The following CNPY3 variants were observed in gnomAD, a reference collection of about 807,000 sequenced individuals.
CNPY3 encodes canopy FGF signaling regulator 3.
CNPY3 carries 20 observed loss-of-function variants against 32.0 expected under a neutral mutation model. The observed-to-expected ratio is 0.63, with a 90% confidence interval of 0.44 to 0.91. The LOEUF (loss-of-function observed/expected upper bound fraction) is 0.91. Among genes scored for constraint, CNPY3 ranks in the 40% least tolerant of loss-of-function variants. The pLI is 0.00. For missense variants in CNPY3, 299 were observed against 340.8 expected (o/e 0.88, Z 0.97); for synonymous variants, 138 against 142.9 (o/e 0.97, Z 0.24).
At chr6:42,929,467 C>A (rs773458922), upstream of CNPY3, 7 of 1,243,710 alleles carry the variant, frequency 5.6e-6, no homozygotes, top group East Asian at 1.0e-4. Flanking sequence ...CGTGGTTGCT[C>A]GGAGGCACGT....
At chr6:42,938,452 G>A in intron 5 of CNPY3, 116 bp from the exon 6 acceptor site, 1 of 1,028,718 alleles carries the variant, frequency 9.7e-7, no homozygotes, top group Non-Finnish European at 1.4e-6. Flanking sequence ...AGGCAGGGAG[G>A]CTGATGTCAA....
In CNPY3 at chr6:42,933,896, C is replaced by T. The variant is rs762493574; in HGVS notation, c.152-579C>T. On this transcript the variant is annotated intron_variant, in intron 1 of 5. Coordinates refer to ENST00000372836, the MANE Select transcript of CNPY3 (RefSeq NM_006586.5). Reference sequence around the variant, plus strand: ...TAGAAAGTAAAATGATAGACCCTGGCGTGGTGGCTCACGCCTGTAATCCCA... The same window carrying T: ...TAGAAAGTAAAATGATAGACCCTGGTGTGGTGGCTCACGCCTGTAATCCCA... Among the ~76,000 whole-genome samples, 21 of 152,238 alleles carry T rather than the reference C, an allele frequency of 1.4e-4. 1 individual carries two copies. The highest frequency in any genetic ancestry group is 6.8e-3 in the Middle Eastern group (2 of 294).
In CNPY3 at chr6:42,937,764, G is replaced by A. The variant is rs939433999; in HGVS notation, c.420G>A (p.Gly140=). The A allele has an allele frequency of 2.5e-6, 4 of 1,614,124 alleles. No homozygotes were observed. Among genetic ancestry groups the A allele is most frequent in the Non-Finnish European group, 2.5e-6 (3 of 1,179,990 alleles). ...FETLHNLVHK[G]VKVVMDIPYE... ...CATTACACAACCTGGTACACAAAGG[G>A]GTCAAGGTGGTGATGGACATCCCCT... Residue 140 remains glycine, a synonymous_variant, in exon 4 of 6, where the codon GGG becomes GGA. Transcript: ENST00000372836.
upstream of CNPY3, among the ~76,000 whole-genome samples, chr6:42,928,068 A>G: frequency 6.6e-6 from 1 of 151,844 alleles, no homozygotes; most frequent in East Asian, 1.9e-4. Flanking sequence ...GCTCACTGCA[A>G]CCTCCATCTC....
chr6:42,929,603 T>C lies in CNPY3; in HGVS notation c.33T>C (p.Cys11=). 1 of 1,569,686 alleles carries C rather than the reference T, an allele frequency of 6.4e-7. No homozygotes were observed. The highest frequency in any genetic ancestry group is 8.6e-7 in the Non-Finnish European group (1 of 1,158,174). ...CAATGCCTGAGCCCGCGTCCCGCTG[T>C]CTTCTGCTTCTTCCCTTGCTGCTGC... is the stretch of plus-strand genomic sequence containing the variant. MDSMPEPASR[C]LLLLPLLLLL... is the part of the protein sequence containing the mutation. Residue 11 remains cysteine (C), a synonymous_variant, in exon 1 of 6, where the codon TGT becomes TGC. Coordinates refer to ENST00000372836, the MANE Select transcript of CNPY3 (RefSeq NM_006586.5).
chr6:42,938,038 G>C, intron 4 of CNPY3, 52 bp from the exon 5 acceptor site: 2 of 1,549,556 alleles, frequency 1.3e-6, no homozygotes, highest in Non-Finnish European at 1.8e-6. Context: ...AGCTCCTCTA[G>C]GAGCGAGTCA....
upstream of CNPY3, among the ~76,000 whole-genome samples, chr6:42,928,406 A>C (rs1767523414): frequency 6.6e-6 from 1 of 151,994 alleles, no homozygotes; most frequent in Non-Finnish European, 1.5e-5. Flanking sequence ...GGCCTCCCAA[A>C]GTGCTGGGAT....
chr6:42,935,168 A>G (rs576722942), intron 2 of CNPY3, among the ~76,000 whole-genome samples: 1 of 152,244 alleles, frequency 6.6e-6, no homozygotes, highest in African/African-American at 2.4e-5. Flanking sequence ...ACACCCGGCC[A>G]CAGTGCAATT....
In CNPY3 at chr6:42,929,738, C is replaced by T. The variant is rs769637995; in HGVS notation, c.151+17C>T. 6.5e-6 allele frequency: 10 copies of T among 1,539,314 alleles called. No homozygotes were observed. The highest frequency in any genetic ancestry group is 2.1e-4 in the Middle Eastern group (1 of 4,802). On this transcript the variant is annotated intron_variant, in intron 1 of 5. Transcript: ENST00000372836. Reference sequence around the variant, plus strand: ...AATGCGAAGGTGAGGAGGCGGGGCCCGTGGGGCGTATCCTGCCGGAGGGGC... The same window carrying T: ...AATGCGAAGGTGAGGAGGCGGGGCCTGTGGGGCGTATCCTGCCGGAGGGGC...
intron 3 of CNPY3, among the ~76,000 whole-genome samples, chr6:42,937,095 C>T (rs760021100): frequency 2.0e-5 from 3 of 152,008 alleles, no homozygotes; most frequent in African/African-American, 4.8e-5. Context: ...CCAGGAAGAA[C>T]GGAACAGCAG....
At position 42,938,753 on chromosome 6, in the gene CNPY3, G is replaced by T. The variant is rs769480238; in HGVS notation, c.799G>T (p.Ala267Ser). The T allele has an allele frequency of 1.2e-6, 2 of 1,613,536 alleles. No homozygotes were observed. The highest frequency in any genetic ancestry group is 2.2e-5 in the South Asian group (2 of 90,996). Reference protein sequence around the residue: ...SPEEDEGIQKASPLTHSPPDE... With the variant: ...SPEEDEGIQKSSPLTHSPPDE... ...CGAGGAGGATGAGGGCATCCAGAAG[G>T]CATCCCCTCTCACACACAGCCCCCC... The change falls in exon 6 of 6, where the codon GCA becomes TCA. Residue 267 changes from alanine (A) to serine (S), a missense_variant. Physicochemically the swap from Ala to Ser is moderately conservative, Grantham distance 99. This residue lies in a region of CNPY3 where 211 missense variants were observed against 278.3 expected (regional missense o/e 0.76). Transcript: ENST00000372836.
intron 1 of CNPY3, 123 bp from the exon 2 acceptor site, chr6:42,934,352 C>T: frequency 1.7e-6 from 2 of 1,192,674 alleles, no homozygotes; most frequent in South Asian, 1.3e-5. Context: ...CCTTCCCTGC[C>T]TTGAGTGCTG....
chr6:42,930,306 C>G (rs1056266792), intron 1 of CNPY3, among the ~76,000 whole-genome samples: 4 of 152,112 alleles, frequency 2.6e-5, no homozygotes, highest in Non-Finnish European at 4.4e-5. Context: ...AACAACTCCT[C>G]GAAGGCAGGA....
At chr6:42,934,681 C>A in intron 2 of CNPY3, 83 bp downstream of exon 2, 2 of 1,581,290 alleles carry the variant, frequency 1.3e-6, no homozygotes. Context: ...CCTAGCTAGG[C>A]AAACCCCCTA....
chr6:42,929,815 AG>A (rs1693965651), intron 1 of CNPY3, 94 bp downstream of exon 1: 2 of 1,390,812 alleles, frequency 1.4e-6, no homozygotes, highest in Non-Finnish European at 1.9e-6. Flanking sequence ...CAAGGTTCCG[AG>A]CTCTGCAGGG....
At chr6:42,937,867 T>C in intron 4 of CNPY3, 28 bp downstream of exon 4, 1 of 1,613,192 alleles carries the variant, frequency 6.2e-7, no homozygotes, top group African/African-American at 1.3e-5. Context: ...CTTGGAAGGG[T>C]TGCTGTGCCC....
At chr6:42,928,792 T>C (rs1183584920), upstream of CNPY3, among the ~76,000 whole-genome samples, 1 of 152,214 alleles carries the variant, frequency 6.6e-6, no homozygotes, top group African/African-American at 2.4e-5. Context: ...TTTTACAATC[T>C]GCTCGATAAG....
intron 1 of CNPY3, among the ~76,000 whole-genome samples, chr6:42,933,136 T>G (rs1051650358): frequency 3.9e-5 from 6 of 152,138 alleles, no homozygotes; most frequent in African/African-American, 1.4e-4. Flanking sequence ...CTAGAGCAAT[T>G]GGCATTAGTG....
chr6:42,928,433 G>A (rs1450888742), upstream of CNPY3, among the ~76,000 whole-genome samples: 4 of 150,742 alleles, frequency 2.7e-5, no homozygotes, highest in African/African-American at 7.3e-5. Flanking sequence ...CATTAGCCAC[G>A]GCGCCTGGCC....
Sources: gnomAD v4.1 joint callset for allele counts (sites outside exome capture counted in the v4.1 genomes callset) on GRCh38, gnomAD v4.1.1 for gene constraint, gnomAD v4.1.1 regional missense constraint, MANE v1.5 for transcripts, NCBI Gene and HGNC (gene_info 2026-07-23, HGNC 2026-07-21) for gene names.